ATP2B1: variants seen among roughly 807,000 people sequenced by gnomAD.
ATP2B1 encodes ATPase plasma membrane Ca2+ transporting 1.
ATP2B1 carries 14 observed loss-of-function variants against 124.2 expected under a neutral mutation model. The ratio of observed to expected loss-of-function variants is 0.11; its 90% confidence interval spans 0.07 to 0.18. ATP2B1 has a LOEUF of 0.18. Among genes scored for constraint, ATP2B1 ranks in the 10% least tolerant of loss-of-function variants. The pLI is 1.00. For missense variants in ATP2B1, 763 were observed against 1,466.1 expected (o/e 0.52, Z 7.83); for synonymous variants, 449 against 492.4 (o/e 0.91, Z 1.17).
rs1592884230 is a variant in ATP2B1 at position 89,656,003 on chromosome 12, T to C, written c.-117A>G. On this transcript the variant is annotated 5_prime_UTR_variant, in exon 2 of 21. The change abolishes an upstream ATG in the 5' untranslated region. Transcript: ENST00000428670. ...AAATCTTTCTTAAACCAAACACTCA[T>C]TGTATGACTTTGTAAAGCAGCATCA... 2 of 1,030,688 alleles carry C rather than the reference T, an allele frequency of 1.9e-6. No individual in the cohort carries two copies. The highest frequency in any genetic ancestry group is 2.7e-6 in the Non-Finnish European group (2 of 729,672). The allele number at this position is 1,030,688 out of a possible 1,614,324, so 63.8% of individuals were successfully genotyped here. A position where few individuals can be genotyped will look rare whatever the true frequency, so the allele number is the denominator to read the frequency against.
intron 10 of ATP2B1, among the ~76,000 whole-genome samples, chr12:89,621,203 T>G (rs916781188): frequency 3.9e-5 from 6 of 152,116 alleles, no homozygotes; most frequent in Non-Finnish European, 7.4e-5. Flanking sequence ...TTAAAAATTT[T>G]CTGTAAGTTG....
rs1879051903 is a variant in ATP2B1, at chr12:89,616,791, T to C, written c.2067+11A>G. On this transcript the variant is annotated intron_variant, in intron 12 of 20. Transcript: ENST00000428670. ...GATTCTGCACATGCAGAACACAGAATGTTTCACCACCTCAGGTCTCACAGG... is the reference window on the plus strand; with the variant it reads ...GATTCTGCACATGCAGAACACAGAACGTTTCACCACCTCAGGTCTCACAGG... 1.2e-6 allele frequency: 2 copies of C among 1,606,394 alleles called. No homozygotes were observed. The highest frequency in any genetic ancestry group is 1.7e-6 in the Non-Finnish European group (2 of 1,173,108).
chr12:89,619,113 C>T (rs1879504805), intron 11 of ATP2B1, among the ~76,000 whole-genome samples: 1 of 151,972 alleles, frequency 6.6e-6, no homozygotes, highest in Admixed American at 6.6e-5. Context: ...AGCTACTGAT[C>T]TGTAAAAGGA....
intron 1 of ATP2B1, among the ~76,000 whole-genome samples, chr12:89,660,411 T>C (rs1397821829): frequency 6.6e-6 from 1 of 152,156 alleles, no homozygotes; most frequent in Non-Finnish European, 1.5e-5. Context: ...ATATGGCATA[T>C]AAGAAATGCA....
chr12:89,702,712 T>C (rs768313055), intron 1 of ATP2B1, among the ~76,000 whole-genome samples: 6 of 152,192 alleles, frequency 3.9e-5, no homozygotes, highest in Admixed American at 3.9e-4. Flanking sequence ...TAAGCAAGCA[T>C]TGGTCCATTC....
Position 89,603,257 on chromosome 12 carries a change from G to A in ATP2B1, c.2849-3C>T. The A allele has an allele frequency of 6.3e-7, 1 of 1,582,778 alleles. No homozygotes were observed. The highest frequency in any genetic ancestry group is 8.6e-7 in the Non-Finnish European group (1 of 1,164,592). On this transcript the variant is annotated splice_polypyrimidine_tract_variant and splice_region_variant and intron_variant, in intron 17 of 20. Transcript: ENST00000428670. The surrounding 1 kb of genome is among the most constrained non-coding windows in gnomAD (Gnocchi z 4.3). The stretch of plus-strand genomic sequence containing the variant: ...ATCAATGTCAAAAAACTTTTCTCCT[G>A]AAAGAATGAAAAATGACTATTTTGT...
chr12:89,633,287 T>C (rs954677551), intron 5 of ATP2B1, among the ~76,000 whole-genome samples: 1 of 151,956 alleles, frequency 6.6e-6, no homozygotes, highest in Non-Finnish European at 1.5e-5. Context: ...GTGAATGTTC[T>C]TTTTTCTTTT....
At chr12:89,639,797 A>T (rs1302761148) in intron 3 of ATP2B1, among the ~76,000 whole-genome samples, 1 of 152,126 alleles carries the variant, frequency 6.6e-6, no homozygotes, top group Admixed American at 6.5e-5. Flanking sequence ...CTTACAAAGG[A>T]AGCAGTTTGA....
chr12:89,677,721 A>G (rs1888781792), intron 1 of ATP2B1, among the ~76,000 whole-genome samples: 1 of 151,964 alleles, frequency 6.6e-6, no homozygotes, highest in South Asian at 2.1e-4. Flanking sequence ...CTTCTTAGAC[A>G]GTATCATAAA....
intron 18 of ATP2B1, 50 bp downstream of exon 18, chr12:89,602,993 T>A: frequency 6.6e-7 from 1 of 1,520,876 alleles, no homozygotes; most frequent in Non-Finnish European, 9.1e-7. Context: ...GTTTACCTAA[T>A]GTCTCCCATT....
At chr12:89,677,971 T>TATATATATATATATACAC (rs1461216851) in intron 1 of ATP2B1, among the ~76,000 whole-genome samples, 12 of 52,324 alleles carry the variant, frequency 2.3e-4, no homozygotes, top group African/African-American at 7.7e-4. Flanking sequence ...TATATATATA[T>TATATATATATATATACAC]ACACACACAC....
chr12:89,696,691 T>C (rs1303108669), intron 1 of ATP2B1, among the ~76,000 whole-genome samples: 7 of 152,222 alleles, frequency 4.6e-5, no homozygotes, highest in Admixed American at 4.6e-4. Flanking sequence ...GTTACATTTC[T>C]AACTGGTAAA....
Position 89,595,872 on chromosome 12 carries a change from C to T in ATP2B1, c.3351+3245G>A, listed in dbSNP as rs1874483154. On this transcript the variant is annotated intron_variant, in intron 20 of 20. Transcript: ENST00000428670. ...GAATAAAGAAGTAAACATCTCAAAC[C>T]TTGATAAAGCAACAACTACAAACTT... 2.0e-5 allele frequency among the ~76,000 whole-genome samples: 3 copies of T among 152,014 alleles called. No homozygotes were observed. In the South Asian group the frequency reaches 6.2e-4, roughly 32 times the overall value.
At chr12:89,661,025 C>T (rs1886636293) in intron 1 of ATP2B1, among the ~76,000 whole-genome samples, 2 of 151,978 alleles carry the variant, frequency 1.3e-5, no homozygotes, top group African/African-American at 2.4e-5. Flanking sequence ...TATATGAGCA[C>T]AAATTATTGA....
chr12:89,626,009 G>GT (rs1329596996), intron 8 of ATP2B1, among the ~76,000 whole-genome samples: 8 of 152,128 alleles, frequency 5.3e-5, no homozygotes, highest in African/African-American at 1.7e-4. Flanking sequence ...AGTGATGGCA[G>GT]TAATATAGAA....
Position 89,704,322 on chromosome 12 carries a change from C to T in ATP2B1, c.-222+4274G>A, listed in dbSNP as rs188701045. Among the ~76,000 whole-genome samples, 228 of 152,246 alleles carry T rather than the reference C, an allele frequency of 1.5e-3. 2 individuals carry two copies. Among genetic ancestry groups the T allele is most frequent in the Non-Finnish European group, 2.5e-3 (172 of 68,008 alleles). ...AAATATAGTATTTCAGATACGTTCA[C>T]ATTCACTCAGCTGTTAAGTAAATCA... On this transcript the variant is annotated intron_variant, in intron 1 of 20. Coordinates refer to ENST00000428670, the MANE Select transcript of ATP2B1 (RefSeq NM_001366521.1).
chr12:89,659,813 C>T (rs1886460881), intron 1 of ATP2B1, among the ~76,000 whole-genome samples: 1 of 151,262 alleles, frequency 6.6e-6, no homozygotes, highest in South Asian at 2.1e-4. Flanking sequence ...GTCCCAGCTA[C>T]TCGGGAGGCT....
At chr12:89,669,401 T>C (rs1232606214) in intron 1 of ATP2B1, among the ~76,000 whole-genome samples, 1 of 152,182 alleles carries the variant, frequency 6.6e-6, no homozygotes, top group East Asian at 1.9e-4. Flanking sequence ...CAAAGATTTT[T>C]TTCAGCACTC....
At chr12:89,660,842 T>C (rs73437338) in intron 1 of ATP2B1, among the ~76,000 whole-genome samples, 22,261 of 152,156 alleles carry the variant, frequency 0.15, 1,830 homozygotes, top group South Asian at 0.31. Flanking sequence ...ATTTCAGATA[T>C]GGAAGGTTTA....
Sources: allele counts gnomAD v4.1 joint callset (sites outside exome capture counted in the v4.1 genomes callset), GRCh38; gene constraint gnomAD v4.1.1; non-coding constraint Gnocchi (gnomAD v3.1); transcripts MANE v1.5; gene names NCBI Gene and HGNC (gene_info 2026-07-23, HGNC 2026-07-21).